The following WDR49 variants were observed in gnomAD, a reference collection of about 807,000 sequenced individuals.
The protein encoded by WDR49 is cilia- and flagella-associated protein 337.
WDR49 carries 107 observed loss-of-function variants against 119.5 expected under a neutral mutation model. The ratio of observed to expected loss-of-function variants is 0.90; its 90% CI spans 0.77 to 1.05. The LOEUF is 1.05. WDR49 is among the 50% of genes least tolerant of loss of function. WDR49 has a pLI of 0.00. For synonymous variants in WDR49, 425 were observed against 418.8 expected, an observed-to-expected ratio of 1.01 and a Z score of -0.18; for missense variants, 1,240 against 1,220.5, an observed-to-expected ratio of 1.02 and a Z score of -0.24.
At chr3:167,611,199 G>T (rs149428678) in intron 5 of WDR49, among the ~76,000 whole-genome samples, 50 of 152,268 alleles carry the variant, frequency 3.3e-4, no homozygotes, top group African/African-American at 1.2e-3. Flanking sequence ...AAAGCAGAGG[G>T]ACGAAGTTAA....
At chr3:167,602,436 T>G (rs1251631334) in intron 6 of WDR49, among the ~76,000 whole-genome samples, 161 bp from the exon 7 acceptor site, 1 of 152,174 alleles carries the variant, frequency 6.6e-6, no homozygotes, top group Non-Finnish European at 1.5e-5. Flanking sequence ...ACCAGGCTAA[T>G]AGAGCATGAG....
rs748978654 is a variant in WDR49 at position 167,653,392 on chromosome 3, T to C, written c.34A>G (p.Ile12Val). The change falls in exon 2 of 19, where the codon ATA (isoleucine) becomes GTA (valine). Residue 12 changes from isoleucine to valine, a missense_variant. Transcript: ENST00000682715. ...CTCTTTGGCCCAAGCTGTGACCCTA[T>C]GTTTAACTCAAGTACAGCTTTCTGG... is the stretch of plus-strand genomic sequence containing the variant. ...SCQKAVLELNIGSQLGPKSPE... is the reference protein window; with the variant it reads ...SCQKAVLELNVGSQLGPKSPE... 5.2e-6 allele frequency: 8 copies of C among 1,533,342 alleles called. No individual in the cohort carries two copies. The South Asian group carries it at 7.2e-5, about 14-fold the overall frequency. 95.0% of individuals were successfully genotyped at this position (1,533,342 alleles called of 1,614,324 possible).
At chr3:167,581,858 T>C (rs1340291036) in intron 7 of WDR49, among the ~76,000 whole-genome samples, 2 of 152,168 alleles carry the variant, frequency 1.3e-5, no homozygotes, top group African/African-American at 4.8e-5. Context: ...ATAAAACAAT[T>C]TGTAATTTCC....
At chr3:167,584,666 G>C (rs1288458533) in intron 7 of WDR49, among the ~76,000 whole-genome samples, 1 of 151,950 alleles carries the variant, frequency 6.6e-6, no homozygotes, top group Non-Finnish European at 1.5e-5. Context: ...GATAACAATG[G>C]CATTTCAAAT....
chr3:167,554,201 T>C (rs1322686674), intron 10 of WDR49, among the ~76,000 whole-genome samples: 1 of 152,134 alleles, frequency 6.6e-6, no homozygotes, highest in Non-Finnish European at 1.5e-5. Context: ...AGTAAGTGCC[T>C]TTCGAAAGAC....
At chr3:167,633,948 T>TA (rs1577291704) in intron 2 of WDR49, among the ~76,000 whole-genome samples, 1 of 151,978 alleles carries the variant, frequency 6.6e-6, no homozygotes, top group East Asian at 1.9e-4. Flanking sequence ...AGTATACACT[T>TA]AATATAGATA....
chr3:167,579,754 A>C (rs1439023988), intron 7 of WDR49, among the ~76,000 whole-genome samples: 2 of 152,174 alleles, frequency 1.3e-5, no homozygotes, highest in Non-Finnish European at 2.9e-5. Context: ...ATATAAATAG[A>C]ATTGATAAGC....
chr3:167,566,704 C>T, intron 8 of WDR49: 1 of 425,556 alleles, frequency 2.3e-6, no homozygotes, highest in African/African-American at 2.0e-5. Context: ...TTACTGATAA[C>T]ATAAACAGTT....
intron 18 of WDR49, among the ~76,000 whole-genome samples, chr3:167,497,149 ATT>A (rs1751384840): frequency 6.6e-6 from 1 of 152,016 alleles, no homozygotes; most frequent in African/African-American, 2.4e-5. Flanking sequence ...TTTTCCTGGC[ATT>A]TTCATGGAAC....
intron 2 of WDR49, among the ~76,000 whole-genome samples, chr3:167,645,568 T>G (rs535632537): frequency 6.6e-6 from 1 of 152,246 alleles, no homozygotes; most frequent in South Asian, 2.1e-4. Flanking sequence ...TAAATGAAAT[T>G]TTATATGGCT....
chr3:167,645,329 G>T (rs1034004801), intron 2 of WDR49, among the ~76,000 whole-genome samples: 5 of 151,960 alleles, frequency 3.3e-5, no homozygotes, highest in African/African-American at 1.2e-4. Flanking sequence ...TCCCCCCTCA[G>T]CCTCCCGAGT....
In WDR49 at chr3:167,500,188, C is replaced by T. The variant is rs201853983; in HGVS notation, c.2996G>A (p.Arg999His). 47 of 1,577,974 alleles carry T rather than the reference C, an allele frequency of 3.0e-5. No individual in the cohort carries two copies. The highest frequency in any genetic ancestry group is 3.4e-4 in the Middle Eastern group (2 of 5,870). Reference protein sequence around the residue: ...KYFRKEPEEERPQILEAPSLF... With the variant: ...KYFRKEPEEEHPQILEAPSLF... ...TGACGGGGCCTCCAGAATTTGGGGA[C>T]GCTCTTCCTCTGGTTCTTTCCTAAA... Residue 999 changes from arginine (R) to histidine (H), a missense_variant, in exon 18 of 19, where the codon CGT becomes CAT. Physicochemically the swap from Arg to His is conservative, Grantham distance 29. Coordinates refer to ENST00000682715, the MANE Select transcript of WDR49 (RefSeq NM_001366157.1).
chr3:167,527,263 C>T (rs559987053), intron 15 of WDR49, among the ~76,000 whole-genome samples: 1 of 152,256 alleles, frequency 6.6e-6, no homozygotes, highest in East Asian at 1.9e-4. Flanking sequence ...GTGAGAGCTG[C>T]TCCCTCCTGA....
At chr3:167,502,106 C>T (rs1751594343) in intron 17 of WDR49, among the ~76,000 whole-genome samples, 1 of 152,006 alleles carries the variant, frequency 6.6e-6, no homozygotes. Context: ...TGAGTGGGTT[C>T]TCACAAGATC....
intron 7 of WDR49, among the ~76,000 whole-genome samples, chr3:167,595,222 T>C (rs957833848): frequency 3.9e-5 from 6 of 152,062 alleles, no homozygotes; most frequent in African/African-American, 1.4e-4. Flanking sequence ...TAAAAGAGGA[T>C]ACAAACAAAT....
chr3:167,537,012 G>A lies in WDR49; in HGVS notation c.1824-12C>T. On this transcript the variant is annotated splice_polypyrimidine_tract_variant and intron_variant, in intron 10 of 18. Coordinates refer to ENST00000682715, the MANE Select transcript of WDR49 (RefSeq NM_001366157.1). ...ACACAGTAATAGCCCTAGCAAAAAG[G>A]ATATAGAATTTAGCTGTGGATCTAA... The A allele has an allele frequency of 6.4e-7, 1 of 1,564,586 alleles. No individual in the cohort carries two copies. Among genetic ancestry groups the A allele is most frequent in the Middle Eastern group, 1.7e-4 (1 of 5,864 alleles).
intron 18 of WDR49, among the ~76,000 whole-genome samples, chr3:167,487,701 C>A (rs1344075858): frequency 6.6e-6 from 1 of 151,842 alleles, no homozygotes; most frequent in African/African-American, 2.4e-5. Flanking sequence ...ACAACACTAT[C>A]AAAAAATGGG....
At chr3:167,635,878 A>G (rs193271008) in intron 2 of WDR49, among the ~76,000 whole-genome samples, 1 of 151,894 alleles carries the variant, frequency 6.6e-6, no homozygotes, top group East Asian at 1.9e-4. Context: ...CCAGTTAGGT[A>G]TACGTATTTG....
chr3:167,570,535 A>C (rs971674623), intron 8 of WDR49, among the ~76,000 whole-genome samples: 15 of 152,232 alleles, frequency 9.9e-5, no homozygotes, highest in Admixed American at 2.0e-4. Flanking sequence ...GCAATAATCT[A>C]AATTAAGATA....
Sources: allele counts gnomAD v4.1 joint callset (sites outside exome capture counted in the v4.1 genomes callset), GRCh38; gene constraint gnomAD v4.1.1; transcripts MANE v1.5; gene names NCBI Gene and HGNC (gene_info 2026-07-23, HGNC 2026-07-21).